The following OPCML variants were observed in gnomAD, a reference collection of about 807,000 sequenced individuals.
The protein encoded by OPCML is opioid binding protein/cell adhesion molecule like, also known as opioid-binding protein/cell adhesion molecule.
Under a neutral mutation model 37.8 loss-of-function variants are expected in OPCML, and 13 were observed. That is an observed-to-expected ratio of 0.34 (90% confidence interval 0.22 to 0.55). The LOEUF is 0.55. Ranked by LOEUF, OPCML falls within the 20% of genes least tolerant of loss-of-function variation. OPCML has a pLI of 0.91. For missense variants in OPCML, 341 were observed against 435.6 expected, an observed-to-expected ratio of 0.78 and a Z score of 1.93; for synonymous variants, 176 against 168.8, an observed-to-expected ratio of 1.04 and a Z score of -0.33.
chr11:133,322,483 T>C (rs1943356001), intron 1 of OPCML, among the ~76,000 whole-genome samples: 1 of 152,124 alleles, frequency 6.6e-6, no homozygotes, highest in Non-Finnish European at 1.5e-5. Flanking sequence ...TCCAAATAAG[T>C]TGAATTAACA....
At chr11:133,423,146 C>A (rs1036202783) in intron 1 of OPCML, 1 of 985,442 alleles carries the variant, frequency 1.0e-6, no homozygotes, top group Non-Finnish European at 1.2e-6. Context: ...CATTCATCCT[C>A]TTTCAGAATT....
At chr11:133,506,523 C>G (rs1318699190) in intron 1 of OPCML, among the ~76,000 whole-genome samples, 1 of 152,184 alleles carries the variant, frequency 6.6e-6, no homozygotes, top group Non-Finnish European at 1.5e-5. Context: ...TCTACCTGCT[C>G]TGGCGTTGTG....
chr11:132,845,650 C>T (rs1301062509), intron 2 of OPCML, among the ~76,000 whole-genome samples: 1 of 152,118 alleles, frequency 6.6e-6, no homozygotes, highest in Admixed American at 6.5e-5. Context: ...GTCCTGTCTC[C>T]CAGGTTTCTG....
intron 2 of OPCML, among the ~76,000 whole-genome samples, chr11:132,728,113 C>A (rs567443184): frequency 6.6e-6 from 1 of 152,236 alleles, no homozygotes; most frequent in Non-Finnish European, 1.5e-5. Context: ...ACGTGTGCCG[C>A]GCCTGTAACA....
chr11:133,286,625 C>T (rs1344209419), intron 1 of OPCML, among the ~76,000 whole-genome samples: 1 of 152,190 alleles, frequency 6.6e-6, no homozygotes, highest in Non-Finnish European at 1.5e-5. Flanking sequence ...CCTCGGCGGC[C>T]TTGTTGCTCA....
rs141468466 is a variant in OPCML at position 133,020,615 on chromosome 11, C to T, written c.62-77605G>A. Among the ~76,000 whole-genome samples the T allele has an allele frequency of 4.0e-3, 602 of 152,178 alleles. 6 individuals carry two copies. The highest frequency in any genetic ancestry group is 0.013 in the African/African-American group (560 of 41,516). On this transcript the variant is annotated intron_variant, in intron 1 of 7. Transcript: ENST00000524381. Reference sequence around the variant, plus strand: ...GTCTCTTCCTTTCCTTTTCTGGGAACTCAGGATTAGAGAAAAAGTGAGTAA... The same window carrying T: ...GTCTCTTCCTTTCCTTTTCTGGGAATTCAGGATTAGAGAAAAAGTGAGTAA...
At chr11:132,581,033 C>G (rs1486609260) in intron 3 of OPCML, among the ~76,000 whole-genome samples, 1 of 152,104 alleles carries the variant, frequency 6.6e-6, no homozygotes, top group Non-Finnish European at 1.5e-5. Context: ...GTCTAGATGA[C>G]TACACATCTG....
chr11:132,439,023 G>C (rs185554755), intron 4 of OPCML, among the ~76,000 whole-genome samples: 2 of 152,266 alleles, frequency 1.3e-5, no homozygotes, highest in East Asian at 3.9e-4. Flanking sequence ...CTGCAAATCA[G>C]CACCGTTCTG....
chr11:133,061,559 T>C (rs767101654), intron 1 of OPCML, among the ~76,000 whole-genome samples: 6 of 152,212 alleles, frequency 3.9e-5, no homozygotes, highest in Non-Finnish European at 8.8e-5. Flanking sequence ...ACACTAATAT[T>C]TTCTTCACTC....
rs375504161 is a variant in OPCML, at chr11:132,599,200, C to A, written c.379+57887G>T. ...AACAAGTATTCTGTGGGAGGAGAAT[C>A]GCTTGAACCCGGGAGGTGGAGGTTG... On this transcript the variant is annotated intron_variant, in intron 3 of 7. Coordinates refer to ENST00000524381, the MANE Select transcript of OPCML (RefSeq NM_001012393.5). Among the ~76,000 whole-genome samples, 408 of 152,172 alleles carry A rather than the reference C, an allele frequency of 2.7e-3. 9 individuals carry two copies. Among genetic ancestry groups the A allele is most frequent in the South Asian group, 0.026 (126 of 4,824 alleles).
At chr11:132,715,501 C>T (rs1429458060) in intron 2 of OPCML, among the ~76,000 whole-genome samples, 1 of 152,096 alleles carries the variant, frequency 6.6e-6, no homozygotes, top group Non-Finnish European at 1.5e-5. Flanking sequence ...ATTTGTGTAC[C>T]CCCTAAATTC....
intron 1 of OPCML, among the ~76,000 whole-genome samples, chr11:133,370,374 T>A (rs1944645482): frequency 6.6e-6 from 1 of 151,866 alleles, no homozygotes; most frequent in Non-Finnish European, 1.5e-5. Context: ...TTCAGTAAAG[T>A]TGCAGTCTGT....
chr11:133,130,151 G>C lies in OPCML; in HGVS notation c.62-187141C>G, dbSNP rs118003851. 3.6e-3 allele frequency among the ~76,000 whole-genome samples: 548 copies of C among 151,978 alleles called. 1 individual carries two copies. Among genetic ancestry groups the C allele is most frequent in the Non-Finnish European group, 5.7e-3 (386 of 67,970 alleles). On this transcript the variant is annotated intron_variant, in intron 1 of 7. Coordinates refer to ENST00000524381, the MANE Select transcript of OPCML (RefSeq NM_001012393.5). ...ACTTCCAGAAATAAAAAGCTACAATGTGTGAGATAAAGAAAATACTAGATA... is the reference window on the plus strand; with the variant it reads ...ACTTCCAGAAATAAAAAGCTACAATCTGTGAGATAAAGAAAATACTAGATA...
intron 1 of OPCML, chr11:133,117,728 TAGGA>T (rs1949358664): frequency 1.1e-6 from 1 of 902,484 alleles, no homozygotes; most frequent in Non-Finnish European, 1.3e-6. Flanking sequence ...TTATCAACTG[TAGGA>T]AATGAAAATG....
chr11:132,921,983 G>A (rs1019194216), intron 2 of OPCML, among the ~76,000 whole-genome samples: 17 of 151,910 alleles, frequency 1.1e-4, no homozygotes, highest in Non-Finnish European at 1.8e-4. Context: ...AGGTTCAAGC[G>A]ATTCTCCTGC....
chr11:132,438,773 G>T (rs1351480439), intron 4 of OPCML, among the ~76,000 whole-genome samples: 6 of 151,496 alleles, frequency 4.0e-5, no homozygotes, highest in African/African-American at 1.2e-4. Context: ...CAGCAGTAAG[G>T]GTCTGTGGAG....
In OPCML at chr11:133,025,119, G is replaced by T. The variant is rs1163474452; in HGVS notation, c.62-82109C>A. The T allele has an allele frequency of 4.3e-6, 3 of 696,562 alleles. No homozygotes were observed. The South Asian group carries it at 1.9e-4, about 45-fold the overall frequency. The allele number at this position is 696,562 out of a possible 1,614,324, so 43.1% of individuals were successfully genotyped here. A position where few individuals can be genotyped will look rare whatever the true frequency, so the allele number is the denominator to read the frequency against. On this transcript the variant is annotated intron_variant, in intron 1 of 7. Transcript: ENST00000524381. The stretch of plus-strand genomic sequence containing the variant: ...AATTTTCCTTCATAGGGAGGAAAAT[G>T]GGATTGATTTGGGAGTAATTAGAAT...
chr11:132,545,097 A>C (rs1031464385), intron 3 of OPCML, among the ~76,000 whole-genome samples: 2 of 152,144 alleles, frequency 1.3e-5, no homozygotes, highest in Admixed American at 1.3e-4. Flanking sequence ...TGTCACGTAC[A>C]TATGATTGGG....
chr11:133,488,393 A>G (rs1947579298), intron 1 of OPCML, among the ~76,000 whole-genome samples: 1 of 152,198 alleles, frequency 6.6e-6, no homozygotes, highest in Admixed American at 6.5e-5. Context: ...CTCTTATATT[A>G]GATAAACAAA....
Sources: allele counts gnomAD v4.1 joint callset (sites outside exome capture counted in the v4.1 genomes callset), GRCh38; gene constraint gnomAD v4.1.1; transcripts MANE v1.5; gene names NCBI Gene and HGNC (gene_info 2026-07-23, HGNC 2026-07-21).